DDX52: variants seen among roughly 807,000 people sequenced by gnomAD.
DDX52 encodes the protein DExD-box helicase 52.
In DDX52, 59 loss-of-function variants were observed where a neutral mutation model predicts 76.1. The observed-to-expected ratio is 0.78, with a 90% CI of 0.63 to 0.96. The LOEUF is 0.96. Among genes scored for constraint, DDX52 ranks in the 40% least tolerant of loss-of-function variants. The pLI is 0.00. For synonymous variants in DDX52, 231 were observed against 244.1 expected (o/e 0.95, Z 0.50); for missense variants, 707 against 703.9 (o/e 1.00, Z -0.05).
intron 12 of DDX52, 128 bp from the exon 13 acceptor site, chr17:37,619,967 T>TA: frequency 1.2e-6 from 1 of 823,462 alleles, no homozygotes; most frequent in Non-Finnish European, 1.9e-6. Flanking sequence ...TTCTGATATA[T>TA]TATCAATTAT....
At chr17:37,625,816 C>T (rs2030335798) in intron 8 of DDX52, 79 bp downstream of exon 8, 3 of 1,515,838 alleles carry the variant, frequency 2.0e-6, no homozygotes, top group South Asian at 1.2e-5. Flanking sequence ...GGCCAAGAAA[C>T]CTATCTCCTT....
At position 37,614,088 on chromosome 17, in the gene DDX52, C is replaced by A; in HGVS notation, c.*208G>T. ...GACCAGCCTGGACAACATGGCAAGA[C>A]CCTCATCTCTACAGGAAAAAAAAAA... On this transcript the variant is annotated 3_prime_UTR_variant, in exon 15 of 15. Coordinates refer to ENST00000617633, the MANE Select transcript of DDX52 (RefSeq NM_007010.5). 4 of 527,744 alleles carry A rather than the reference C, an allele frequency of 7.6e-6. No individual in the cohort carries two copies. The highest frequency in any genetic ancestry group is 3.3e-6 in the Non-Finnish European group (1 of 307,110). The allele number at this position is 527,744 out of a possible 1,614,324, so 32.7% of individuals were successfully genotyped here.
At chr17:37,633,557 G>C in intron 2 of DDX52, 139 bp from the exon 3 acceptor site, 1 of 502,226 alleles carries the variant, frequency 2.0e-6, no homozygotes, top group Non-Finnish European at 2.9e-6. Context: ...TTAGGAGGCT[G>C]AGTGGGGAGG....
intron 2 of DDX52, among the ~76,000 whole-genome samples, chr17:37,641,761 C>G (rs1362392803): frequency 1.3e-5 from 2 of 151,942 alleles, no homozygotes; most frequent in Non-Finnish European, 2.9e-5. Flanking sequence ...CATTCATTAG[C>G]TTGGCAAAAA....
chr17:37,633,158 A>T, intron 3 of DDX52, 130 bp downstream of exon 3: 1 of 1,035,216 alleles, frequency 9.7e-7, no homozygotes, highest in Non-Finnish European at 1.3e-6. Flanking sequence ...AGTAAAATCT[A>T]AATGAATGTA....
chr17:37,614,718 C>A (rs956472808), intron 14 of DDX52, among the ~76,000 whole-genome samples: 16 of 152,146 alleles, frequency 1.1e-4, no homozygotes, highest in Middle Eastern at 3.2e-3. Flanking sequence ...GTATTATTAT[C>A]CTCCGTTTAC....
In DDX52 at chr17:37,612,760, T is replaced by G. The variant is rs185219393; in HGVS notation, c.*1536A>C. 1 of 152,330 alleles carries G rather than the reference T, an allele frequency of 6.6e-6. No individual in the cohort carries two copies. Among genetic ancestry groups the G allele is most frequent in the Admixed American group, 6.5e-5 (1 of 15,288 alleles). 9.4% of individuals were successfully genotyped at this position (152,330 alleles called of 1,614,324 possible). ...AAATATTTATTGTGAGTTTACTATGTATCAGGTACAGTGCTAGGTACTCAC... is the reference window on the plus strand; with the variant it reads ...AAATATTTATTGTGAGTTTACTATGGATCAGGTACAGTGCTAGGTACTCAC... On this transcript the variant is annotated 3_prime_UTR_variant, in exon 15 of 15. Coordinates refer to ENST00000617633, the MANE Select transcript of DDX52 (RefSeq NM_007010.5).
rs568352709 is a variant in DDX52, at chr17:37,625,794, T to C, written c.1136+101A>G. 5.1e-5 allele frequency: 65 copies of C among 1,279,742 alleles called. No individual in the cohort carries two copies. The South Asian group carries it at 8.2e-4, about 16-fold the overall frequency. 79.3% of individuals were successfully genotyped at this position (1,279,742 alleles called of 1,614,324 possible). ...ATTTCAATCAGTAAAACTCTCTCCCTTGCTAGTCTCAGGCCAAGAAACCTA... is the reference window on the plus strand; with the variant it reads ...ATTTCAATCAGTAAAACTCTCTCCCCTGCTAGTCTCAGGCCAAGAAACCTA... On this transcript the variant is annotated intron_variant, in intron 8 of 14. Coordinates refer to ENST00000617633, the MANE Select transcript of DDX52 (RefSeq NM_007010.5).
At chr17:37,641,157 G>A (rs1323942499) in intron 2 of DDX52, among the ~76,000 whole-genome samples, 1 of 151,856 alleles carries the variant, frequency 6.6e-6, no homozygotes, top group Non-Finnish European at 1.5e-5. Context: ...TTAGGAGGCG[G>A]AGGCGGAGGC....
intron 4 of DDX52, among the ~76,000 whole-genome samples, chr17:37,630,639 G>GT (rs34387906): frequency 0.015 from 1,922 of 128,554 alleles, 31 homozygotes; most frequent in African/African-American, 0.042. Flanking sequence ...AACTCACTGT[G>GT]TTTTTTTTTT....
Position 37,625,938 on chromosome 17 carries a change from T to C in DDX52, c.1093A>G (p.Lys365Glu). ...CTGATGACATTGTCCAGGTTGAGTT[T>C]GCACCACTGTTCAACATCATATGCA... ...TFAYDVEQWCKLNLDNVISVS... is the reference protein window; with the variant it reads ...TFAYDVEQWCELNLDNVISVS... Residue 365 changes from lysine to glutamate, a missense_variant, in exon 8 of 15, where the codon AAA (lysine) becomes GAA (glutamate). Lys to Glu is a moderately conservative substitution (Grantham distance 56). Transcript: ENST00000617633. The C allele has an allele frequency of 6.2e-7, 1 of 1,614,182 alleles. No homozygotes were observed. The highest frequency in any genetic ancestry group is 8.5e-7 in the Non-Finnish European group (1 of 1,180,000).
intron 5 of DDX52, among the ~76,000 whole-genome samples, 180 bp downstream of exon 5, chr17:37,629,846 TACAG>T: frequency 6.6e-6 from 1 of 152,280 alleles, no homozygotes; most frequent in Non-Finnish European, 1.5e-5. Flanking sequence ...TTTAGAAACT[TACAG>T]AAAGACTTAA....
At chr17:37,630,308 T>C in intron 4 of DDX52, 135 bp from the exon 5 acceptor site, 1 of 1,006,478 alleles carries the variant, frequency 9.9e-7, no homozygotes, top group Non-Finnish European at 1.4e-6. Flanking sequence ...AAGTCATATC[T>C]GCTTTCCTAA....
chr17:37,637,593 AGACC>A (rs1466934347), intron 2 of DDX52, among the ~76,000 whole-genome samples: 2 of 151,140 alleles, frequency 1.3e-5, no homozygotes, highest in African/African-American at 4.9e-5. Flanking sequence ...TTTGTTTTTG[AGACC>A]GAGTTTCACT....
In DDX52 at chr17:37,611,539, C is replaced by A. The variant is rs879469991; in HGVS notation, c.*2757G>T. On this transcript the variant is annotated 3_prime_UTR_variant, in exon 15 of 15. Coordinates refer to ENST00000617633, the MANE Select transcript of DDX52 (RefSeq NM_007010.5). ...CTCACTCCAGGTCAGGAGTTTGAGA[C>A]CAGCCTGGCCAACATGGTGAAACCC... 6.6e-6 allele frequency: 1 copy of A among 151,988 alleles called. No individual in the cohort carries two copies. The highest frequency in any genetic ancestry group is 6.6e-5 in the Admixed American group (1 of 15,262). The allele number at this position is 151,988 out of a possible 1,614,324, so 9.4% of individuals were successfully genotyped here.
chr17:37,622,007 T>C (rs192092886), intron 9 of DDX52, among the ~76,000 whole-genome samples: 5 of 152,260 alleles, frequency 3.3e-5, no homozygotes, highest in African/African-American at 1.2e-4. Flanking sequence ...ATCACCCCAA[T>C]GGTGTACACT....
Position 37,626,077 on chromosome 17 carries a change from G to A in DDX52, c.954C>T (p.Asp318=), listed in dbSNP as rs1353837484. The A allele has an allele frequency of 1.2e-5, 19 of 1,613,936 alleles. No individual in the cohort carries two copies. The highest frequency in any genetic ancestry group is 1.5e-5 in the Non-Finnish European group (18 of 1,180,022). ...CATCTTCAAACAGTTTATCTGATTC[G>A]TCTACTACAAGCCACTCAACACTAA... The part of the protein sequence containing the change: ...DLASVEWLVV[D]ESDKLFEDGK... Residue 318 remains aspartate, a synonymous_variant, in exon 8 of 15, where the codon GAC becomes GAT. Transcript: ENST00000617633.
intron 2 of DDX52, among the ~76,000 whole-genome samples, chr17:37,635,231 G>A (rs1443572239): frequency 2.0e-5 from 3 of 151,930 alleles, no homozygotes; most frequent in Admixed American, 6.6e-5. Flanking sequence ...CTTCACTGAG[G>A]CATAAATATA....
Position 37,611,351 on chromosome 17 carries a change from A to T in DDX52, c.*2945T>A, listed in dbSNP as rs942589859. 1 of 152,146 alleles carries T rather than the reference A, an allele frequency of 6.6e-6. No individual in the cohort carries two copies. The highest frequency in any genetic ancestry group is 2.4e-5 in the African/African-American group (1 of 41,402). 9.4% of individuals were successfully genotyped at this position (152,146 alleles called of 1,614,324 possible). On this transcript the variant is annotated 3_prime_UTR_variant, in exon 15 of 15. Transcript: ENST00000617633. ...ATGGTTTTTAACAAAAAAGTTTTAG[A>T]AGTAAATAGTAAAACAAAACAAACA...
Sources: gnomAD v4.1 joint callset for allele counts (sites outside exome capture counted in the v4.1 genomes callset) on GRCh38, gnomAD v4.1.1 for gene constraint, MANE v1.5 for transcripts, NCBI Gene and HGNC (gene_info 2026-07-23, HGNC 2026-07-21) for gene names.